The following CCDC90B variants were observed in gnomAD, a reference collection of about 807,000 sequenced individuals.
CCDC90B encodes coiled-coil domain-containing protein 90B, mitochondrial.
CCDC90B carries 24 observed loss-of-function variants against 37.0 expected under a neutral mutation model. The observed-to-expected ratio is 0.65, with a 90% CI of 0.47 to 0.91. The LOEUF (loss-of-function observed/expected upper bound fraction) is 0.91, where lower values mean the gene tolerates loss of function less well. Among genes scored for constraint, CCDC90B ranks in the 40% least tolerant of loss-of-function variants. The probability of loss-of-function intolerance (pLI) is 0.00; values close to 1 mark genes in which losing one functional copy is unlikely to be tolerated. For synonymous variants in CCDC90B, 113 were observed against 101.1 expected (o/e 1.12, Z -0.71); for missense variants, 319 against 299.0 (o/e 1.07, Z -0.49).
chr11:83,285,253 G>C (rs1010067521), intron 1 of CCDC90B: 1 of 1,281,722 alleles, frequency 7.8e-7, no homozygotes, highest in Non-Finnish European at 1.0e-6. Context: ...AAACAACGAC[G>C]ACAACAAAAA....
At chr11:83,278,927 C>G (rs970739080) in intron 2 of CCDC90B, 98 bp from the exon 3 acceptor site, 1 of 637,084 alleles carries the variant, frequency 1.6e-6, no homozygotes, top group African/African-American at 1.9e-5. Context: ...TTGTTATACT[C>G]TTTTAAATAA....
In CCDC90B at chr11:83,285,990, G is replaced by T; in HGVS notation, c.-18C>A. On this transcript the variant is annotated 5_prime_UTR_variant, in exon 1 of 9. Transcript: ENST00000529689. ...CTATTCATGTCCTCAGAGTTTTCCG[G>T]TGGGAGGGAGGCGGAAGACGGGGTA... The T allele has an allele frequency of 6.2e-7, 1 of 1,601,228 alleles. No individual in the cohort carries two copies. The highest frequency in any genetic ancestry group is 1.1e-5 in the South Asian group (1 of 89,110).
intron 1 of CCDC90B, chr11:83,285,581 G>C (rs2135682382): frequency 3.1e-6 from 4 of 1,274,456 alleles, no homozygotes; most frequent in Non-Finnish European, 4.0e-6. Flanking sequence ...GAGATTACTA[G>C]CCTCTTGTCA....
At chr11:83,281,421 GT>G (rs200211433) in intron 1 of CCDC90B, among the ~76,000 whole-genome samples, 8 of 151,628 alleles carry the variant, frequency 5.3e-5, no homozygotes, top group African/African-American at 1.9e-4. Context: ...AACAGATATT[GT>G]TTTTTTTAAA....
chr11:83,265,014 C>T (rs1236112845), intron 8 of CCDC90B, among the ~76,000 whole-genome samples: 5 of 151,594 alleles, frequency 3.3e-5, no homozygotes, highest in South Asian at 2.1e-4. Flanking sequence ...TGCTAAATGA[C>T]GAGTTACTGG....
intron 7 of CCDC90B, among the ~76,000 whole-genome samples, chr11:83,269,454 C>G (rs886156980): frequency 1.3e-5 from 2 of 151,856 alleles, no homozygotes; most frequent in Non-Finnish European, 2.9e-5. Flanking sequence ...CAAATAGATG[C>G]AACAAAAAAT....
intron 7 of CCDC90B, among the ~76,000 whole-genome samples, chr11:83,269,272 A>G (rs1281555016): frequency 1.3e-5 from 2 of 152,166 alleles, no homozygotes; most frequent in Non-Finnish European, 2.9e-5. Flanking sequence ...GCTGCTTCTT[A>G]TCTCTTTCAG....
intron 1 of CCDC90B, among the ~76,000 whole-genome samples, chr11:83,281,627 T>C (rs2135669154): frequency 6.6e-6 from 1 of 152,226 alleles, no homozygotes. Context: ...GAACTATGCC[T>C]TTGTGTGTAA....
At chr11:83,267,427 T>G (rs547308959) in intron 7 of CCDC90B, 1 of 152,292 alleles carries the variant, frequency 6.6e-6, no homozygotes, top group African/African-American at 2.4e-5. Context: ...TTAAATGACC[T>G]GATGGAGCTG....
chr11:83,262,908 A>G (rs1461361950), intron 8 of CCDC90B, among the ~76,000 whole-genome samples: 1 of 152,192 alleles, frequency 6.6e-6, no homozygotes, highest in East Asian at 1.9e-4. Flanking sequence ...TGATCCTGCT[A>G]CTATTTGCTG....
At chr11:83,271,521 T>C (rs1170130077) in intron 7 of CCDC90B, among the ~76,000 whole-genome samples, 1 of 152,144 alleles carries the variant, frequency 6.6e-6, no homozygotes, top group Non-Finnish European at 1.5e-5. Context: ...AAAATGCTCA[T>C]CATCACTGGT....
In CCDC90B at chr11:83,285,910, T is replaced by G. The variant is rs186150704; in HGVS notation, c.63A>C (p.Ser21=). 5 of 1,613,472 alleles carry G rather than the reference T, an allele frequency of 3.1e-6. No individual in the cohort carries two copies. In the East Asian group the frequency reaches 1.1e-4, roughly 36 times the overall value. The change falls in exon 1 of 9, where the codon TCA becomes TCC. Residue 21 remains serine, a synonymous_variant. Coordinates refer to ENST00000529689, the MANE Select transcript of CCDC90B (RefSeq NM_021825.5). Reference sequence around the variant, plus strand: ...CCGGCGAGAAATGCCCGCGGGGCCTTGAAACCCAACGATCTCCTCTGCCTT... The same window carrying G: ...CCGGCGAGAAATGCCCGCGGGGCCTGGAAACCCAACGATCTCCTCTGCCTT... ...LSQGRGDRWV[S]RPRGHFSPAL...
chr11:83,271,319 C>T (rs1864647382), intron 7 of CCDC90B, among the ~76,000 whole-genome samples: 1 of 152,100 alleles, frequency 6.6e-6, no homozygotes, highest in East Asian at 1.9e-4. Context: ...AAGAAACTAC[C>T]ATCAGAGTGA....
intron 8 of CCDC90B, among the ~76,000 whole-genome samples, chr11:83,263,133 TTATTA>T (rs1231882287): frequency 1.3e-5 from 2 of 152,208 alleles, no homozygotes; most frequent in African/African-American, 4.8e-5. Context: ...TTTGTGATCC[TTATTA>T]TATACTGTGA....
At chr11:83,276,949 G>T (rs1021653247) in intron 3 of CCDC90B, among the ~76,000 whole-genome samples, 5 of 151,926 alleles carry the variant, frequency 3.3e-5, no homozygotes, top group African/African-American at 1.2e-4. Context: ...TTTCTGAAGT[G>T]ATCAAGTATG....
In CCDC90B at chr11:83,273,692, A is replaced by G; in HGVS notation, c.549T>C (p.Asp183=). The part of the protein sequence containing the change: ...ERSRVTDMFT[D]QEKQLMETTT... ...TTGTTTCCATAAGTTGCTTTTCTTG[A>G]TCTGTAAACTATAGGATATGAAGCA... Residue 183 remains aspartate (D), a synonymous_variant, in exon 7 of 9, where the codon GAT becomes GAC. Transcript: ENST00000529689. 1 of 1,603,218 alleles carries G rather than the reference A, an allele frequency of 6.2e-7. No individual in the cohort carries two copies. Among genetic ancestry groups the G allele is most frequent in the South Asian group, 1.1e-5 (1 of 88,802 alleles).
At chr11:83,264,674 C>G (rs888781465) in intron 8 of CCDC90B, among the ~76,000 whole-genome samples, 1 of 151,992 alleles carries the variant, frequency 6.6e-6, no homozygotes, top group Non-Finnish European at 1.5e-5. Context: ...TATGGAGTTG[C>G]TCTTCTCGAG....
chr11:83,270,810 G>T (rs585196), intron 7 of CCDC90B, among the ~76,000 whole-genome samples: 106,652 of 152,076 alleles, frequency 0.7, 37,980 homozygotes, highest in Middle Eastern at 0.84. Flanking sequence ...GAGCCCGCAT[G>T]GCGAAGACAA....
At chr11:83,283,558 A>T (rs369180029) in intron 1 of CCDC90B, among the ~76,000 whole-genome samples, 73 of 152,344 alleles carry the variant, frequency 4.8e-4, no homozygotes, top group African/African-American at 1.6e-3. Context: ...GTTTCACTCC[A>T]CTTTGGAAGC....
Sources: gnomAD v4.1 joint callset for allele counts (sites outside exome capture counted in the v4.1 genomes callset) on GRCh38, gnomAD v4.1.1 for gene constraint, MANE v1.5 for transcripts, NCBI Gene and HGNC (gene_info 2026-07-23, HGNC 2026-07-21) for gene names.